Variants in AMBRA1 observed in about 807,000 individuals in gnomAD.
The protein encoded by AMBRA1 is activating molecule in BECN1-regulated autophagy protein 1.
In AMBRA1, 47 loss-of-function variants were observed where a neutral mutation model predicts 125.4. That is an observed-to-expected ratio of 0.37 (90% confidence interval 0.30 to 0.48). The LOEUF (loss-of-function observed/expected upper bound fraction) is 0.48, where lower values mean the gene tolerates loss of function less well. Among genes scored for constraint, AMBRA1 ranks in the 20% least tolerant of loss-of-function variants. AMBRA1 has a pLI of 0.99. For synonymous variants in AMBRA1, 626 were observed against 655.5 expected (o/e 0.95, Z 0.69); for missense variants, 1,331 against 1,693.4 (o/e 0.79, Z 3.76).
intron 11 of AMBRA1, among the ~76,000 whole-genome samples, chr11:46,455,039 ACC>A (rs1948791608): frequency 6.6e-6 from 1 of 151,676 alleles, no homozygotes; most frequent in South Asian, 2.1e-4. Flanking sequence ...GCCACCCCAC[ACC>A]CAGCTAATTA....
chr11:46,465,842 G>A (rs1421736740), intron 11 of AMBRA1, among the ~76,000 whole-genome samples: 1 of 152,222 alleles, frequency 6.6e-6, no homozygotes. Flanking sequence ...CACAGAAATT[G>A]TGCAACTGTC....
chr11:46,397,533 A>G lies in AMBRA1; in HGVS notation c.3814T>C (p.Leu1272=), dbSNP rs768017118. 3.9e-6 allele frequency: 6 copies of G among 1,546,970 alleles called. No homozygotes were observed. The South Asian group carries it at 6.2e-5, about 16-fold the overall frequency. ...TCCAGAAGGTGGTTGTTATTGGTCA[A>G]CTCGCAGTGGAGGGTTGGTCCCTCA... The part of the protein sequence containing the change: ...SAEGPTLHCE[L]TNNNHLLDGG... The change falls in exon 18 of 18, where the codon TTG becomes CTG. Residue 1272 remains leucine (L), a synonymous_variant. Transcript: ENST00000683756.
Position 46,512,776 on chromosome 11 carries a change from A to G in AMBRA1, c.2110T>C (p.Tyr704His). ...TGCTCTCTGGATCCTGCTCCATCATAACGGGATAATGAAATGAGGGAAGAT... is the reference window on the plus strand; with the variant it reads ...TGCTCTCTGGATCCTGCTCCATCATGACGGGATAATGAAATGAGGGAAGAT... ...LESSLISLSR[Y>H]DGAGSREHPI... The change falls in exon 8 of 18, where the codon TAT (tyrosine) becomes CAT (histidine). Residue 704 changes from tyrosine to histidine, a missense_variant. Around this residue, in one of 4 missense-constraint regions of AMBRA1, gnomAD observed 689 missense variants for 776.5 expected, o/e 0.89. Transcript: ENST00000683756. 1 of 1,613,632 alleles carries G rather than the reference A, an allele frequency of 6.2e-7. No homozygotes were observed. The highest frequency in any genetic ancestry group is 8.5e-7 in the Non-Finnish European group (1 of 1,179,782).
intron 1 of AMBRA1, among the ~76,000 whole-genome samples, chr11:46,582,733 G>A (rs370796261): frequency 2.9e-3 from 445 of 152,176 alleles, no homozygotes; most frequent in Non-Finnish European, 4.3e-3. Flanking sequence ...GAGTACTTAC[G>A]TCATAAGGTT....
intron 14 of AMBRA1, among the ~76,000 whole-genome samples, chr11:46,423,241 G>A (rs1946934706): frequency 6.6e-6 from 1 of 152,104 alleles, no homozygotes; most frequent in Non-Finnish European, 1.5e-5. Flanking sequence ...GATCTGCTTA[G>A]ATCAATGAAT....
intron 9 of AMBRA1, chr11:46,495,474 T>C (rs1950597603): frequency 6.6e-6 from 1 of 152,246 alleles, no homozygotes; most frequent in South Asian, 2.1e-4. Context: ...GCTGATCCAT[T>C]GAAAGTATTT....
chr11:46,570,861 G>T (rs1310096795), intron 1 of AMBRA1, among the ~76,000 whole-genome samples: 5 of 151,996 alleles, frequency 3.3e-5, no homozygotes, highest in Non-Finnish European at 7.4e-5. Flanking sequence ...CATACTTTTG[G>T]AAGACTACAC....
intron 11 of AMBRA1, among the ~76,000 whole-genome samples, chr11:46,462,080 A>C (rs1949114626): frequency 6.6e-6 from 1 of 152,136 alleles, no homozygotes; most frequent in South Asian, 2.1e-4. Context: ...GCCTGTGGCA[A>C]ATTTCTAGCT....
At chr11:46,419,642 A>G (rs1347228902) in intron 14 of AMBRA1, among the ~76,000 whole-genome samples, 2 of 152,194 alleles carry the variant, frequency 1.3e-5, no homozygotes, top group African/African-American at 4.8e-5. Flanking sequence ...TTTTTAATTT[A>G]TCAAATATGA....
At chr11:46,464,028 A>T (rs1949217767) in intron 11 of AMBRA1, among the ~76,000 whole-genome samples, 1 of 152,164 alleles carries the variant, frequency 6.6e-6, no homozygotes, top group Non-Finnish European at 1.5e-5. Flanking sequence ...CCTAGTAGTC[A>T]GAGACAGTTT....
rs1300929744 is a variant in AMBRA1, at chr11:46,428,616, T to TA, written c.2976+4857dup. ...TCTTTTTTTTTTAAGGTTTTTTGGCTATAAGTTTATTCAATGCAAAAGAAT... is the reference window on the plus strand; with the variant it reads ...TCTTTTTTTTTTAAGGTTTTTTGGCTAATAAGTTTATTCAATGCAAAAGAAT... On this transcript the variant is annotated intron_variant, in intron 14 of 17. Coordinates refer to ENST00000683756, the MANE Select transcript of AMBRA1 (RefSeq NM_001387011.1). The TA allele has an allele frequency of 1.5e-5, 23 of 1,529,414 alleles. No individual in the cohort carries two copies. The East Asian group carries it at 4.7e-4, about 31-fold the overall frequency. The allele number at this position is 1,529,414 out of a possible 1,614,324, so 94.7% of individuals were successfully genotyped here.
chr11:46,475,563 T>TTCAATTTG (rs1949782479), intron 11 of AMBRA1, among the ~76,000 whole-genome samples: 1 of 152,196 alleles, frequency 6.6e-6, no homozygotes, highest in South Asian at 2.1e-4. Context: ...CCTAGGATAA[T>TTCAATTTG]TCAATTTGTC....
intron 11 of AMBRA1, among the ~76,000 whole-genome samples, chr11:46,479,198 AAAAG>A (rs1949954212): frequency 1.3e-5 from 2 of 151,866 alleles, no homozygotes; most frequent in African/African-American, 4.8e-5. Flanking sequence ...ACCCTATCTC[AAAAG>A]AAAGAAAAGA....
intron 1 of AMBRA1, among the ~76,000 whole-genome samples, chr11:46,583,640 C>A (rs2044253977): frequency 5.6e-5 from 1 of 17,752 alleles, no homozygotes; most frequent in Non-Finnish European, 1.3e-4. Context: ...ACAATGAACT[C>A]AAACAAATTT....
chr11:46,554,817 A>C (rs1642542953), intron 1 of AMBRA1, among the ~76,000 whole-genome samples: 1 of 152,218 alleles, frequency 6.6e-6, no homozygotes, highest in African/African-American at 2.4e-5. Flanking sequence ...AAAGTAAAGC[A>C]GACTGAGACA....
At chr11:46,581,909 G>C (rs1209976769) in intron 1 of AMBRA1, among the ~76,000 whole-genome samples, 1 of 151,752 alleles carries the variant, frequency 6.6e-6, no homozygotes, top group Non-Finnish European at 1.5e-5. Flanking sequence ...TTGAGTCCAG[G>C]AGTTTGAGAT....
At chr11:46,566,079 A>G (rs901363823) in intron 1 of AMBRA1, among the ~76,000 whole-genome samples, 1 of 152,176 alleles carries the variant, frequency 6.6e-6, no homozygotes, top group Non-Finnish European at 1.5e-5. Context: ...AAAGGATTAA[A>G]CAAACTACAG....
At chr11:46,526,281 A>G (rs1951967181) in intron 7 of AMBRA1, among the ~76,000 whole-genome samples, 1 of 152,074 alleles carries the variant, frequency 6.6e-6, no homozygotes, top group Non-Finnish European at 1.5e-5. Flanking sequence ...GTCAATCTCC[A>G]AAGATGGCTC....
intron 15 of AMBRA1, among the ~76,000 whole-genome samples, 172 bp from the exon 16 acceptor site, chr11:46,410,540 G>T (rs1444851144): frequency 2.0e-5 from 3 of 152,158 alleles, no homozygotes; most frequent in African/African-American, 7.2e-5. Flanking sequence ...GCTCAGTGCT[G>T]GATCAATTCA....
Sources: allele counts gnomAD v4.1 joint callset (sites outside exome capture counted in the v4.1 genomes callset), GRCh38; gene constraint gnomAD v4.1.1; regional missense constraint gnomAD v4.1.1; transcripts MANE v1.5; gene names NCBI Gene and HGNC (gene_info 2026-07-23, HGNC 2026-07-21).